Variants in PDPR observed in about 807,000 individuals in gnomAD.
PDPR encodes pyruvate dehydrogenase phosphatase regulatory subunit, mitochondrial.
In PDPR, 50 loss-of-function variants were observed where a neutral mutation model predicts 102.2. The ratio of observed to expected loss-of-function variants is 0.49; its 90% CI spans 0.39 to 0.62. The LOEUF (loss-of-function observed/expected upper bound fraction) is 0.62, where lower values mean the gene tolerates loss of function less well. PDPR is among the 20% of genes least tolerant of loss of function. PDPR has a pLI of 0.00. For synonymous variants in PDPR, 259 were observed against 406.0 expected (o/e 0.64, Z 4.35); for missense variants, 625 against 1,098.2 (o/e 0.57, Z 6.09).
chr16:70,120,676 T>C lies in PDPR; in HGVS notation c.184T>C (p.Ser62Pro). 6.2e-7 allele frequency: 1 copy of C among 1,613,692 alleles called. No individual in the cohort carries two copies. Among genetic ancestry groups the C allele is most frequent in the South Asian group, 1.1e-5 (1 of 91,084 alleles). ...GGGCACTTCTGTGGCCTATCACCTC[T>C]CCAAAATGGGGTGGAAGGATATTGT... ...ITGTSVAYHL[S>P]KMGWKDIVLL... Residue 62 changes from serine to proline, a missense_variant, in exon 3 of 19, where the codon TCC becomes CCC. Around this residue, in one of 11 missense-constraint regions of PDPR, gnomAD observed 84 missense variants for 87.7 expected, o/e 0.96. Transcript: ENST00000288050.
chr16:70,140,799 A>G (rs1965631636), intron 11 of PDPR, among the ~76,000 whole-genome samples: 1 of 152,198 alleles, frequency 6.6e-6, no homozygotes, highest in Non-Finnish European at 1.5e-5. Context: ...TGGGTGATAG[A>G]GAGGGATTCC....
intron 9 of PDPR, among the ~76,000 whole-genome samples, chr16:70,134,012 C>T (rs7184643): frequency 0.05 from 7,597 of 150,552 alleles, 204 homozygotes; most frequent in African/African-American, 0.18. Flanking sequence ...GGATTACAGA[C>T]GTGAGCCACC....
intron 10 of PDPR, among the ~76,000 whole-genome samples, chr16:70,136,790 T>G (rs531919925): frequency 3.3e-5 from 5 of 152,322 alleles, no homozygotes; most frequent in African/African-American, 1.2e-4. Context: ...TCACCCAGGC[T>G]GGAATGCAGT....
At chr16:70,154,323 G>A (rs576553746) in intron 18 of PDPR, among the ~76,000 whole-genome samples, 5 of 152,218 alleles carry the variant, frequency 3.3e-5, no homozygotes, top group Admixed American at 6.5e-5. Context: ...GCAAGACTCC[G>A]TCTCAGAAAA....
intron 2 of PDPR, among the ~76,000 whole-genome samples, chr16:70,115,947 G>A (rs541549094): frequency 1.3e-5 from 2 of 152,142 alleles, no homozygotes; most frequent in South Asian, 2.1e-4. Context: ...TAGGTTTGGC[G>A]GCAAAGGCAC....
At chr16:70,163,058 C>T (rs1181157179), downstream of PDPR, among the ~76,000 whole-genome samples, 1 of 152,248 alleles carries the variant, frequency 6.6e-6, no homozygotes, top group African/African-American at 2.4e-5. Context: ...CAAGTGATTT[C>T]CTGCCTTAGC....
At chr16:70,123,526 C>T (rs918030002) in intron 3 of PDPR, among the ~76,000 whole-genome samples, 7 of 152,258 alleles carry the variant, frequency 4.6e-5, no homozygotes, top group African/African-American at 1.7e-4. Context: ...GTGTGGGCCG[C>T]CACACTTGGC....
At chr16:70,135,216 AT>A (rs1238595150) in intron 9 of PDPR, among the ~76,000 whole-genome samples, 1 of 149,626 alleles carries the variant, frequency 6.7e-6, no homozygotes, top group African/African-American at 2.5e-5. Flanking sequence ...TTTTGCAGCT[AT>A]TCCAATGCAG....
chr16:70,130,593 A>G (rs1307531640), intron 7 of PDPR, 49 bp downstream of exon 7: 3 of 1,610,512 alleles, frequency 1.9e-6, no homozygotes, highest in Non-Finnish European at 2.5e-6. Context: ...TGTCTCCAAG[A>G]TTTTTTTGGT....
At position 70,156,499 on chromosome 16, in the gene PDPR, G is replaced by A. The variant is rs755313163; in HGVS notation, c.2260G>A (p.Ala754Thr). 5.6e-6 allele frequency: 9 copies of A among 1,613,722 alleles called. No homozygotes were observed. The highest frequency in any genetic ancestry group is 4.5e-5 in the East Asian group (2 of 44,882). Residue 754 changes from alanine (A) to threonine (T), a missense_variant, in exon 19 of 19, where the codon GCC (alanine) becomes ACC (threonine). Ala to Thr is a moderately conservative substitution (Grantham distance 58). This residue lies in a region of PDPR where 303 missense variants were observed against 258.9 expected (regional missense o/e 1.17). Coordinates refer to ENST00000288050, the MANE Select transcript of PDPR (RefSeq NM_017990.5). ...EKGMDFIGRD[A>T]LLQQKQNGVY... ...GGGCATGGATTTCATTGGTCGCGAC[G>A]CCCTCCTGCAGCAGAAGCAGAATGG...
chr16:70,129,449 ATCC>A (rs1964319066), intron 6 of PDPR, among the ~76,000 whole-genome samples: 1 of 152,236 alleles, frequency 6.6e-6, no homozygotes, highest in South Asian at 2.1e-4. Flanking sequence ...GGTTCATGTG[ATCC>A]TCCTGCTTCA....
intron 16 of PDPR, 24 bp from the exon 17 acceptor site, chr16:70,148,440 T>C (rs1443630491): frequency 6.3e-7 from 1 of 1,579,724 alleles, no homozygotes; most frequent in Non-Finnish European, 8.7e-7. Flanking sequence ...GTGCCCAGGC[T>C]GACTGCTGCC....
At chr16:70,128,755 T>A (rs763986031) in intron 4 of PDPR, 29 bp from the exon 5 acceptor site, 1 of 1,613,552 alleles carries the variant, frequency 6.2e-7, no homozygotes, top group South Asian at 1.1e-5. Context: ...TGGTCTGATC[T>A]GTCTCATTTG....
At chr16:70,130,590 A>G (rs1271180425) in intron 7 of PDPR, 46 bp downstream of exon 7, 2 of 1,611,250 alleles carry the variant, frequency 1.2e-6, no homozygotes, top group Non-Finnish European at 1.7e-6. Context: ...GTTTGTCTCC[A>G]AGATTTTTTT....
rs963987550 is a variant in PDPR at position 70,159,695 on chromosome 16, A to G, written c.*2816A>G. 3.3e-5 allele frequency: 5 copies of G among 152,860 alleles called. No individual in the cohort carries two copies. The highest frequency in any genetic ancestry group is 5.8e-5 in the Non-Finnish European group (4 of 68,486). 9.5% of individuals were successfully genotyped at this position (152,860 alleles called of 1,614,324 possible). A position where few individuals can be genotyped will look rare whatever the true frequency, so the allele number is the denominator to read the frequency against. On this transcript the variant is annotated 3_prime_UTR_variant, in exon 19 of 19. Coordinates refer to ENST00000288050, the MANE Select transcript of PDPR (RefSeq NM_017990.5). ...TAGCTGTTCAAGAGGAGAGGGCAGC[A>G]TAACTTCCTGACCACCGGTGTCAGA...
At chr16:70,129,954 T>C (rs1964369518) in intron 6 of PDPR, among the ~76,000 whole-genome samples, 1 of 152,262 alleles carries the variant, frequency 6.6e-6, no homozygotes, top group African/African-American at 2.4e-5. Flanking sequence ...AAGGCCCATT[T>C]ACATAGTCTC....
chr16:70,153,618 A>G, intron 18 of PDPR, 45 bp downstream of exon 18: 1 of 1,530,584 alleles, frequency 6.5e-7, no homozygotes, highest in Non-Finnish European at 8.8e-7. Context: ...CATCCCGAGT[A>G]GTGAATCTGC....
At chr16:70,116,658 C>G (rs1453799604) in intron 2 of PDPR, among the ~76,000 whole-genome samples, 2 of 150,844 alleles carry the variant, frequency 1.3e-5, no homozygotes, top group African/African-American at 4.9e-5. Context: ...CAATGGTGGC[C>G]GCACCATGAG....
chr16:70,141,532 C>T (rs958441006), intron 11 of PDPR, among the ~76,000 whole-genome samples: 7 of 152,272 alleles, frequency 4.6e-5, no homozygotes, highest in African/African-American at 1.7e-4. Context: ...AACACAGGCA[C>T]AATGAAGAAT....
Sources: allele counts gnomAD v4.1 joint callset (sites outside exome capture counted in the v4.1 genomes callset), GRCh38; gene constraint gnomAD v4.1.1; regional missense constraint gnomAD v4.1.1; transcripts MANE v1.5; gene names NCBI Gene and HGNC (gene_info 2026-07-23, HGNC 2026-07-21).